Variants in MAOA observed in about 807,000 individuals in gnomAD.
MAOA encodes the protein monoamine oxidase A.
In MAOA, 6 loss-of-function variants were observed where a neutral mutation model predicts 42.0. The observed-to-expected ratio is 0.14, with a 90% CI of 0.08 to 0.28. The LOEUF (loss-of-function observed/expected upper bound fraction) is 0.28. Ranked by LOEUF, MAOA falls within the 10% of genes least tolerant of loss-of-function variation. The probability of loss-of-function intolerance (pLI) is 1.00; values close to 1 mark genes in which losing one functional copy is unlikely to be tolerated. For missense variants in MAOA, 262 were observed against 422.3 expected (o/e 0.62, Z 3.33); for synonymous variants, 140 against 154.0 (o/e 0.91, Z 0.67).
chrX:43,715,182 T>A (rs1445465271), intron 5 of MAOA, among the ~76,000 whole-genome samples: 1 of 107,918 alleles, frequency 9.3e-6, no homozygotes, highest in Non-Finnish European at 1.9e-5. Context: ...CATAGGAAGG[T>A]TTGGTGGTGT....
chrX:43,677,240 G>T (rs2033405764), intron 1 of MAOA, among the ~76,000 whole-genome samples: 1 of 111,821 alleles, frequency 8.9e-6, no homozygotes, highest in Non-Finnish European at 1.9e-5. Context: ...AACTCCCAAG[G>T]TATGCTATGT....
At chrX:43,724,526 TC>T (rs894468921) in intron 5 of MAOA, among the ~76,000 whole-genome samples, 1 of 111,783 alleles carries the variant, frequency 8.9e-6, no homozygotes, top group African/African-American at 3.3e-5. Flanking sequence ...GGTGGTGATA[TC>T]CCCTTTTTCT....
intron 1 of MAOA, among the ~76,000 whole-genome samples, chrX:43,663,892 A>G (rs886806988): frequency 1.1e-4 from 12 of 112,148 alleles, no homozygotes; most frequent in African/African-American, 3.9e-4. Context: ...AGTTTAGATC[A>G]GTGATTCTTG....
intron 1 of MAOA, among the ~76,000 whole-genome samples, chrX:43,660,488 A>G (rs1386865001): frequency 1.8e-5 from 2 of 111,382 alleles, no homozygotes; most frequent in Non-Finnish European, 3.8e-5. Context: ...CTATTTTCCA[A>G]CATGGATCTG....
chrX:43,718,477 C>G (rs1437991741), intron 5 of MAOA, among the ~76,000 whole-genome samples: 1 of 109,061 alleles, frequency 9.2e-6, no homozygotes. Flanking sequence ...TGCGGGGAAA[C>G]AGGGAAGCCT....
At chrX:43,714,677 G>A (rs1370507220) in intron 5 of MAOA, among the ~76,000 whole-genome samples, 1 of 108,283 alleles carries the variant, frequency 9.2e-6, no homozygotes, top group East Asian at 3.0e-4. Flanking sequence ...CCCCCACAGT[G>A]TTAGGGAGTG....
chrX:43,730,755 T>C (rs773282533), intron 6 of MAOA, among the ~76,000 whole-genome samples: 11 of 110,736 alleles, frequency 9.9e-5, no homozygotes, highest in Non-Finnish European at 1.7e-4. Context: ...GACGTGACTA[T>C]CCCTAAAAGC....
At chrX:43,665,693 T>C (rs1311639553) in intron 1 of MAOA, among the ~76,000 whole-genome samples, 1 of 111,687 alleles carries the variant, frequency 9.0e-6, no homozygotes, top group Non-Finnish European at 1.9e-5. Flanking sequence ...TGTTTATTAC[T>C]TGAGACAGCC....
intron 2 of MAOA, among the ~76,000 whole-genome samples, chrX:43,685,014 A>G (rs1382445218): frequency 9.5e-6 from 1 of 104,934 alleles, no homozygotes; most frequent in African/African-American, 3.5e-5. Flanking sequence ...AGTAGCTAGG[A>G]TTACAGGCAC....
At chrX:43,718,709 A>G (rs1213402333) in intron 5 of MAOA, among the ~76,000 whole-genome samples, 1 of 109,863 alleles carries the variant, frequency 9.1e-6, no homozygotes, top group Non-Finnish European at 1.9e-5. Context: ...GGCAGGATAT[A>G]TTTTCCAGGA....
chrX:43,676,356 C>G (rs2033396394), intron 1 of MAOA, among the ~76,000 whole-genome samples: 1 of 111,900 alleles, frequency 8.9e-6, no homozygotes, highest in South Asian at 3.7e-4. Context: ...TCACCCCTTT[C>G]TTTGACTAGG....
chrX:43,701,347 A>C (rs2033624041), intron 3 of MAOA, among the ~76,000 whole-genome samples: 1 of 111,748 alleles, frequency 8.9e-6, no homozygotes. Context: ...TCAAAAATAT[A>C]AAGTTCCTAC....
chrX:43,657,590 T>C (rs765344354), intron 1 of MAOA, among the ~76,000 whole-genome samples: 42 of 111,092 alleles, frequency 3.8e-4, no homozygotes, highest in African/African-American at 1.4e-3. Context: ...CCATCATTGG[T>C]AAAATGTTTG....
chrX:43,720,546 C>G (rs1209230357), intron 5 of MAOA, among the ~76,000 whole-genome samples: 1 of 109,888 alleles, frequency 9.1e-6, no homozygotes, highest in Non-Finnish European at 1.9e-5. Flanking sequence ...GAATGAGCCA[C>G]GAGGGCTTGA....
At chrX:43,667,286 C>G (rs1197296484) in intron 1 of MAOA, among the ~76,000 whole-genome samples, 1 of 111,146 alleles carries the variant, frequency 9.0e-6, no homozygotes, top group Non-Finnish European at 1.9e-5. Context: ...TTAATAGTTC[C>G]TAATCACTTA....
chrX:43,744,960 C>A lies in MAOA; in HGVS notation c.*447C>A, dbSNP rs780375933. The A allele has an allele frequency of 3.1e-4, 59 of 192,702 alleles. No individual in the cohort carries two copies. The highest frequency in any genetic ancestry group is 1.6e-3 in the Admixed American group (23 of 14,438). The allele number at this position is 192,702 out of a possible 1,213,427, so 15.9% of individuals were successfully genotyped here. A position where few individuals can be genotyped will look rare whatever the true frequency, so the allele number is the denominator to read the frequency against. ...CTTCCCTTAGGCAATGGTGAACTGT[C>A]ATTACAGAGCCTAGAGGCTCACAGC... On this transcript the variant is annotated 3_prime_UTR_variant, in exon 15 of 15. Coordinates refer to ENST00000338702, the MANE Select transcript of MAOA (RefSeq NM_000240.4).
chrX:43,664,731 G>T (rs930373012), intron 1 of MAOA, among the ~76,000 whole-genome samples: 1 of 111,825 alleles, frequency 8.9e-6, no homozygotes, highest in African/African-American at 3.2e-5. Flanking sequence ...ATCACTGTAT[G>T]CCTTGAGTAA....
At chrX:43,743,961 T>A (rs2033979842) in intron 13 of MAOA, 56 bp downstream of exon 13, 1 of 1,171,388 alleles carries the variant, frequency 8.5e-7, no homozygotes. Flanking sequence ...GTTTTTGGCA[T>A]CTGGTCTTGC....
intron 12 of MAOA, 35 bp downstream of exon 12, chrX:43,742,082 C>A (rs760928805): frequency 2.6e-5 from 32 of 1,209,146 alleles, no homozygotes; most frequent in Non-Finnish European, 3.5e-5. Context: ...TAATCCAAGA[C>A]CTGTGCCAAA....
Sources: allele counts gnomAD v4.1 joint callset (sites outside exome capture counted in the v4.1 genomes callset), GRCh38; gene constraint gnomAD v4.1.1; transcripts MANE v1.5; gene names NCBI Gene and HGNC (gene_info 2026-07-23, HGNC 2026-07-21).